JMJD1C: variants seen among roughly 807,000 people sequenced by gnomAD.
JMJD1C encodes jumonji domain-containing protein 1C.
In JMJD1C, 31 loss-of-function variants were observed where a neutral mutation model predicts 245.3. The observed-to-expected ratio is 0.13, with a 90% CI of 0.09 to 0.17. JMJD1C has a LOEUF of 0.17. Among genes scored for constraint, JMJD1C ranks in the 10% least tolerant of loss-of-function variants. The pLI, the probability that JMJD1C is intolerant of heterozygous loss-of-function variation, is 1.00. For missense variants in JMJD1C, 2,691 were observed against 3,000.2 expected (o/e 0.90, Z 2.41); for synonymous variants, 1,057 against 1,017.4 (o/e 1.04, Z -0.74).
At chr10:63,417,909 G>T (rs1164826298) in intron 1 of JMJD1C, among the ~76,000 whole-genome samples, 2 of 152,058 alleles carry the variant, frequency 1.3e-5, no homozygotes, top group African/African-American at 2.4e-5. Context: ...ATTTTTCAAC[G>T]AACTCAACTA....
At position 63,509,454 on chromosome 10, in the gene JMJD1C, G is replaced by A. The variant is rs571009418; in HGVS notation, n.113+12284C>T. ...ATTAAGATGTATTTCCCCTACTTCT[G>A]TCTTCTGGAAAAGATTGTGAATAAC... is the stretch of plus-strand genomic sequence containing the variant. On this transcript the variant is annotated intron_variant and non_coding_transcript_variant, in intron 1 of 3. Transcript: ENST00000633035. Among the ~76,000 whole-genome samples, 14 of 152,278 alleles carry A rather than the reference G, an allele frequency of 9.2e-5. 1 individual carries two copies. The South Asian group carries it at 1.7e-3, about 18-fold the overall frequency.
intron 3 of JMJD1C, among the ~76,000 whole-genome samples, chr10:63,221,107 T>TAAA (rs71025127): frequency 5.0e-5 from 7 of 138,896 alleles, no homozygotes; most frequent in Admixed American, 7.2e-5. Flanking sequence ...GACTCCGTCT[T>TAAA]AAAAAAAAAA....
At chr10:63,454,538 C>A (rs918143659) in intron 1 of JMJD1C, among the ~76,000 whole-genome samples, 1 of 152,284 alleles carries the variant, frequency 6.6e-6, no homozygotes, top group African/African-American at 2.4e-5. Context: ...ATTCTCATGT[C>A]TCATGCCTCA....
chr10:63,264,551 T>C (rs558172293), intron 3 of JMJD1C, 100 bp downstream of exon 3: 18 of 603,048 alleles, frequency 3.0e-5, no homozygotes, highest in Admixed American at 6.6e-5. Context: ...AACTAGAAGT[T>C]AGATGAAATG....
chr10:63,181,963 T>G (rs1258148426), intron 22 of JMJD1C, among the ~76,000 whole-genome samples: 1 of 152,196 alleles, frequency 6.6e-6, no homozygotes, highest in Non-Finnish European at 1.5e-5. Flanking sequence ...GGTTACCTAT[T>G]ATAGTCAATA....
intron 1 of JMJD1C, among the ~76,000 whole-genome samples, chr10:63,398,141 T>C (rs1281867193): frequency 6.6e-6 from 1 of 152,202 alleles, no homozygotes; most frequent in African/African-American, 2.4e-5. Context: ...AGTATTCAAG[T>C]TTCCCAGGTT....
chr10:63,272,053 A>G (rs1856372376), intron 2 of JMJD1C, among the ~76,000 whole-genome samples: 1 of 150,704 alleles, frequency 6.6e-6, no homozygotes, highest in Non-Finnish European at 1.5e-5. Flanking sequence ...GGCCTGGGAG[A>G]CAGAGCAAGA....
intron 24 of JMJD1C, among the ~76,000 whole-genome samples, chr10:63,169,540 GA>G (rs907866967): frequency 6.6e-6 from 1 of 151,886 alleles, no homozygotes; most frequent in African/African-American, 2.4e-5. Context: ...AGACTGTGGG[GA>G]AAAAAAATCT....
At chr10:63,226,010 T>A (rs1589213893) in intron 3 of JMJD1C, among the ~76,000 whole-genome samples, 1 of 109,226 alleles carries the variant, frequency 9.2e-6, no homozygotes, top group South Asian at 3.1e-4. Flanking sequence ...CCACATACAC[T>A]CTCTCTCATT....
intron 2 of JMJD1C, among the ~76,000 whole-genome samples, chr10:63,266,994 A>T (rs535145376): frequency 6.6e-6 from 1 of 152,316 alleles, no homozygotes; most frequent in South Asian, 2.1e-4. Flanking sequence ...AAGCTAAAAA[A>T]ATTCTCACGT....
At chr10:63,289,408 A>G (rs1257803376) in intron 2 of JMJD1C, among the ~76,000 whole-genome samples, 1 of 152,256 alleles carries the variant, frequency 6.6e-6, no homozygotes, top group Non-Finnish European at 1.5e-5. Context: ...GTGATCTGAA[A>G]TGAATGAAAT....
In JMJD1C at chr10:63,192,940, T is replaced by G; in HGVS notation, c.6074A>C (p.Lys2025Thr). 2 of 1,611,922 alleles carry G rather than the reference T, an allele frequency of 1.2e-6. No homozygotes were observed. Among genetic ancestry groups the G allele is most frequent in the Non-Finnish European group, 1.7e-6 (2 of 1,178,056 alleles). The change falls in exon 16 of 26, where the codon AAA becomes ACA. Residue 2025 changes from lysine to threonine, a missense_variant and splice_region_variant. Transcript: ENST00000399262. ...CCTAGATAATCAATTATGTTTACCTTTTTTTTCCTCTCTGGCTTTTTGCTC... is the reference window on the plus strand; with the variant it reads ...CCTAGATAATCAATTATGTTTACCTGTTTTTTCCTCTCTGGCTTTTTGCTC... The part of the protein sequence containing the change: ...LAEQKAREEK[K>T]ENKELTLENQ...
At chr10:63,449,750 T>G (rs778114278) in intron 1 of JMJD1C, among the ~76,000 whole-genome samples, 4 of 152,130 alleles carry the variant, frequency 2.6e-5, no homozygotes, top group Non-Finnish European at 5.9e-5. Flanking sequence ...CTACATGTTA[T>G]TTGAAGTGCA....
At chr10:63,234,159 T>A (rs1051728079) in intron 3 of JMJD1C, among the ~76,000 whole-genome samples, 1 of 151,046 alleles carries the variant, frequency 6.6e-6, no homozygotes, top group Non-Finnish European at 1.5e-5. Flanking sequence ...CTTAATCACT[T>A]GAGATCCAGA....
chr10:63,319,058 A>G (rs994336505), intron 2 of JMJD1C, among the ~76,000 whole-genome samples: 1 of 152,064 alleles, frequency 6.6e-6, no homozygotes, highest in African/African-American at 2.4e-5. Flanking sequence ...CAGGAGATCG[A>G]CACCATCCTG....
At chr10:63,517,135 G>A (rs1049818781) in intron 1 of JMJD1C, among the ~76,000 whole-genome samples, 11 of 152,108 alleles carry the variant, frequency 7.2e-5, no homozygotes, top group African/African-American at 2.4e-4. Context: ...ATAGAAATGC[G>A]AAGGTGACCT....
At chr10:63,284,302 AG>A (rs1351022572) in intron 2 of JMJD1C, among the ~76,000 whole-genome samples, 1 of 152,202 alleles carries the variant, frequency 6.6e-6, no homozygotes, top group African/African-American at 2.4e-5. Flanking sequence ...CTGGGATTAC[AG>A]GAGTGAGCCA....
chr10:63,326,027 T>C (rs1589483523), intron 2 of JMJD1C, among the ~76,000 whole-genome samples: 2 of 152,206 alleles, frequency 1.3e-5, no homozygotes, highest in South Asian at 4.1e-4. Context: ...AAGATGCATA[T>C]GTGAGCATAA....
At chr10:63,196,455 G>A (rs538822035) in intron 13 of JMJD1C, among the ~76,000 whole-genome samples, 3 of 152,100 alleles carry the variant, frequency 2.0e-5, no homozygotes, top group Admixed American at 6.5e-5. Context: ...GCATATCCCA[G>A]AAACACTTAG....
Sources: gnomAD v4.1 joint callset for allele counts (sites outside exome capture counted in the v4.1 genomes callset) on GRCh38, gnomAD v4.1.1 for gene constraint, MANE v1.5 for transcripts, NCBI Gene and HGNC (gene_info 2026-07-23, HGNC 2026-07-21) for gene names.